SBK1: variants seen among roughly 807,000 people sequenced by gnomAD.
SBK1 encodes the protein serine/threonine-protein kinase SBK1.
Under a neutral mutation model 24.4 loss-of-function variants are expected in SBK1, and 11 were observed. The ratio of observed to expected loss-of-function variants is 0.45; its 90% confidence interval spans 0.28 to 0.75. The LOEUF (loss-of-function observed/expected upper bound fraction) is 0.75. Among genes scored for constraint, SBK1 ranks in the 30% least tolerant of loss-of-function variants. The pLI is 0.12. For missense variants in SBK1, 467 were observed against 620.5 expected (o/e 0.75, Z 2.63); for synonymous variants, 308 against 284.4 (o/e 1.08, Z -0.83).
Position 28,293,113 on chromosome 16 carries a change from A to C in SBK1, c.-195A>C, listed in dbSNP as rs1435716020. On this transcript the variant is annotated 5_prime_UTR_variant, in exon 1 of 4. Transcript: ENST00000341901. ...TAGGCAGCCGGGGACAGCAAGAGAC[A>C]CTCTCACCAGCAAGAAGCCTCGGGG... 1 of 985,054 alleles carries C rather than the reference A, an allele frequency of 1.0e-6. No homozygotes were observed. Among genetic ancestry groups the C allele is most frequent in the African/African-American group, 1.8e-5 (1 of 57,020 alleles). The allele number at this position is 985,054 out of a possible 1,614,324, so 61.0% of individuals were successfully genotyped here.
chr16:28,288,533 G>A (rs1373686940), upstream of SBK1, among the ~76,000 whole-genome samples: 2 of 152,166 alleles, frequency 1.3e-5, no homozygotes, highest in Admixed American at 1.3e-4. Flanking sequence ...CATAACCAGC[G>A]CTTGTTCTTT....
At chr16:28,259,070 G>T (rs527426710), upstream of SBK1, 3 of 152,488 alleles carry the variant, frequency 2.0e-5, no homozygotes, top group Non-Finnish European at 4.4e-5. The surrounding 1 kb of genome is among the most constrained non-coding windows in gnomAD (Gnocchi z 6.0). Context: ...GGGGCAGTTG[G>T]GGGGGCACTC....
intron 1 of SBK1, among the ~76,000 whole-genome samples, chr16:28,272,618 T>TA (rs2044472604): frequency 1.5e-5 from 2 of 130,560 alleles, no homozygotes; most frequent in South Asian, 4.7e-4. Flanking sequence ...TTTCTTTCTT[T>TA]CTTTTTTTTT....
At chr16:28,275,151 C>T (rs554888395) in intron 1 of SBK1, among the ~76,000 whole-genome samples, 6 of 152,204 alleles carry the variant, frequency 3.9e-5, no homozygotes, top group South Asian at 4.1e-4. Context: ...TATAGTGAGA[C>T]CCTCCCCCAT....
intron 1 of SBK1, among the ~76,000 whole-genome samples, chr16:28,281,173 T>C (rs920381987): frequency 6.6e-6 from 1 of 152,164 alleles, no homozygotes; most frequent in African/African-American, 2.4e-5. Flanking sequence ...CACTAGGATT[T>C]GAGCCATCCC....
In SBK1 at chr16:28,277,353, A is replaced by AG. The variant is rs150450463; in HGVS notation, c.257+17851_257+17852insG. The stretch of plus-strand genomic sequence containing the variant: ...CATAGAGACAGAGAGAGAGAGAGAG[A>AG]AAAAAAAAAGACAACAGGGGAGTAA... On this transcript the variant is annotated intron_variant, in intron 1 of 3. Coordinates refer to the SBK1 transcript ENST00000671413. 8.6e-3 allele frequency among the ~76,000 whole-genome samples: 1,287 copies of AG among 148,936 alleles called. 18 individuals are homozygous for AG. The highest frequency in any genetic ancestry group is 0.03 in the African/African-American group (1,211 of 40,494).
Position 28,317,983 on chromosome 16 carries a change from G to A in SBK1, c.226+366G>A, listed in dbSNP as rs887915065. Among the ~76,000 whole-genome samples the A allele has an allele frequency of 2.0e-5, 3 of 152,146 alleles. No individual in the cohort carries two copies. Among genetic ancestry groups the A allele is most frequent in the African/African-American group, 7.2e-5 (3 of 41,428 alleles). On this transcript the variant is annotated intron_variant, in intron 2 of 3. Transcript: ENST00000341901. This position sits in a 1 kb window ranked among gnomAD's most constrained non-coding sequence, Gnocchi z 4.2. ...CTCAGGGATGTCTGGCCCCAGGAAG[G>A]TGGATGGAGAGTGAGGGTGGTTCCT...
Position 28,319,306 on chromosome 16 carries a change from C to G in SBK1, c.429+109C>G. 3 of 825,088 alleles carry G rather than the reference C, an allele frequency of 3.6e-6. No individual in the cohort carries two copies. In the East Asian group the frequency reaches 7.9e-5, roughly 22 times the overall value. 51.1% of individuals were successfully genotyped at this position (825,088 alleles called of 1,614,324 possible). On this transcript the variant is annotated intron_variant, in intron 3 of 3. Coordinates refer to ENST00000341901, the MANE Select transcript of SBK1 (RefSeq NM_001024401.3). The surrounding 1 kb of genome is among the most constrained non-coding windows in gnomAD (Gnocchi z 4.0). ...TTAACAAGTATTTACTGGGTGCCTG[C>G]TGTATGTCAGTTACCATTTGGGGAG...
rs571850033 is a variant in SBK1, at chr16:28,317,911, G to A, written c.226+294G>A. ...ACAGCCAAGGGGCTGTGCCAGGAGTGTCTGGGGAGGGCAGGGCTGCCGGCT... is the reference window on the plus strand; with the variant it reads ...ACAGCCAAGGGGCTGTGCCAGGAGTATCTGGGGAGGGCAGGGCTGCCGGCT... On this transcript the variant is annotated intron_variant, in intron 2 of 3. Coordinates refer to ENST00000341901, the MANE Select transcript of SBK1 (RefSeq NM_001024401.3). This position sits in a 1 kb window ranked among gnomAD's most constrained non-coding sequence, Gnocchi z 4.2. Among the ~76,000 whole-genome samples the A allele has an allele frequency of 6.6e-6, 1 of 151,898 alleles. No homozygotes were observed. Among genetic ancestry groups the A allele is most frequent in the South Asian group, 2.1e-4 (1 of 4,810 alleles).
intron 1 of SBK1, among the ~76,000 whole-genome samples, chr16:28,294,227 C>T (rs948303200): frequency 2.0e-5 from 3 of 152,074 alleles, no homozygotes; most frequent in Admixed American, 6.6e-5. Context: ...ATGAGGAAGC[C>T]GAGAGACCCT....
chr16:28,298,422 C>A (rs2044656065), intron 1 of SBK1, among the ~76,000 whole-genome samples: 1 of 152,224 alleles, frequency 6.6e-6, no homozygotes, highest in Non-Finnish European at 1.5e-5. Context: ...GTGTGGGCCA[C>A]CAAAGGTTTG....
At chr16:28,287,610 G>A (rs2044574610), upstream of SBK1, among the ~76,000 whole-genome samples, 1 of 152,190 alleles carries the variant, frequency 6.6e-6, no homozygotes, top group African/African-American at 2.4e-5. Context: ...ACAAAGGACT[G>A]CACCATTGCA....
intron 1 of SBK1, among the ~76,000 whole-genome samples, chr16:28,296,922 G>A (rs2044644868): frequency 6.6e-6 from 1 of 152,188 alleles, no homozygotes. Flanking sequence ...CAGAAGAACT[G>A]GATGAAAGCT....
rs1351647336 is a variant in SBK1 at position 28,323,561 on chromosome 16, C to T, written c.*2640C>T. ...GTCGGCTAGAGGGTCTCCACCAGGC[C>T]CACTGAACAGAACCCCACGGCTGCC... On this transcript the variant is annotated 3_prime_UTR_variant, in exon 4 of 4. Transcript: ENST00000341901. 1 of 152,708 alleles carries T rather than the reference C, an allele frequency of 6.5e-6. No homozygotes were observed. Among genetic ancestry groups the T allele is most frequent in the African/African-American group, 2.4e-5 (1 of 41,434 alleles). 9.5% of individuals were successfully genotyped at this position (152,708 alleles called of 1,614,324 possible).
rs536526475 is a variant in SBK1 at position 28,279,517 on chromosome 16, G to A, written c.257+20015G>A. On this transcript the variant is annotated intron_variant, in intron 1 of 3. Transcript: ENST00000671413. The stretch of plus-strand genomic sequence containing the variant: ...TGCTCTCAGAAATAAGAGGCCCCAC[G>A]TTTAAATTTCTCTGGGTCCCGCATT... Among the ~76,000 whole-genome samples, 7 of 151,680 alleles carry A rather than the reference G, an allele frequency of 4.6e-5. No homozygotes were observed. In the South Asian group the frequency reaches 6.3e-4, roughly 14 times the overall value.
intron 1 of SBK1, among the ~76,000 whole-genome samples, chr16:28,260,016 CA>C: frequency 6.6e-6 from 1 of 152,198 alleles, no homozygotes; most frequent in South Asian, 2.1e-4. Context: ...TCCTGCACTG[CA>C]GTGGCACCTA....
intron 1 of SBK1, chr16:28,285,395 A>G (rs1378923126): frequency 1.3e-5 from 2 of 152,174 alleles, no homozygotes; most frequent in Non-Finnish European, 2.9e-5. Context: ...CTCTACTAAA[A>G]ACACAAAAAA....
At chr16:28,295,769 T>C (rs1341574755) in intron 1 of SBK1, among the ~76,000 whole-genome samples, 1 of 152,112 alleles carries the variant, frequency 6.6e-6, no homozygotes, top group African/African-American at 2.4e-5. Flanking sequence ...AAAAATCAGA[T>C]GATGTGGCAA....
intron 1 of SBK1, among the ~76,000 whole-genome samples, chr16:28,293,900 C>G (rs2044620467): frequency 6.6e-6 from 1 of 152,164 alleles, no homozygotes; most frequent in Admixed American, 6.5e-5. Context: ...ATACTTTGTA[C>G]TCCCTGTGGG....
Sources: gnomAD v4.1 joint callset for allele counts (sites outside exome capture counted in the v4.1 genomes callset) on GRCh38, gnomAD v4.1.1 for gene constraint, Gnocchi (gnomAD v3.1) non-coding constraint, MANE v1.5 for transcripts, NCBI Gene and HGNC (gene_info 2026-07-23, HGNC 2026-07-21) for gene names.